Variants in MAPKBP1 observed in about 807,000 individuals in gnomAD.
MAPKBP1 encodes mitogen-activated protein kinase-binding protein 1.
A neutral mutation model predicts 170.5 loss-of-function variants in MAPKBP1; 71 were observed. The ratio of observed to expected loss-of-function variants is 0.42; its 90% CI spans 0.34 to 0.51. The LOEUF (loss-of-function observed/expected upper bound fraction) is 0.51. MAPKBP1 is among the 20% of genes least tolerant of loss of function. The probability of loss-of-function intolerance (pLI) is 0.06; values close to 1 mark genes in which losing one functional copy is unlikely to be tolerated. For missense variants in MAPKBP1, 1,598 were observed against 1,933.0 expected, an observed-to-expected ratio of 0.83 and a Z score of 3.25; for synonymous variants, 719 against 757.9, an observed-to-expected ratio of 0.95 and a Z score of 0.84.
At chr15:41,799,488 C>T (rs2064553293) in intron 2 of MAPKBP1, among the ~76,000 whole-genome samples, 1 of 152,146 alleles carries the variant, frequency 6.6e-6, no homozygotes, top group Admixed American at 6.5e-5. Flanking sequence ...GTCTGGGGAT[C>T]CCAGGCTCTA....
intron 2 of MAPKBP1, among the ~76,000 whole-genome samples, chr15:41,785,642 CGT>C (rs1828464848): frequency 6.6e-6 from 1 of 151,872 alleles, no homozygotes; most frequent in African/African-American, 2.4e-5. Context: ...GAAAATGTGA[CGT>C]GTGTTAATTA....
At chr15:41,803,089 C>T (rs2064626384) in intron 3 of MAPKBP1, among the ~76,000 whole-genome samples, 1 of 152,064 alleles carries the variant, frequency 6.6e-6, no homozygotes, top group Admixed American at 6.6e-5. Flanking sequence ...TATTATCACC[C>T]TCATATTTTA....
chr15:41,780,673 C>G (rs924515762), intron 2 of MAPKBP1, among the ~76,000 whole-genome samples: 21 of 151,742 alleles, frequency 1.4e-4, no homozygotes, highest in Non-Finnish European at 2.6e-4. Context: ...CATAGCAATT[C>G]TCAGTAGAGG....
intron 3 of MAPKBP1, among the ~76,000 whole-genome samples, chr15:41,803,304 C>T (rs907181388): frequency 6.0e-5 from 9 of 150,574 alleles, no homozygotes; most frequent in Non-Finnish European, 1.0e-4. Flanking sequence ...GTCCCAGTTA[C>T]TCGGGAGGCT....
rs183077468 is a variant in MAPKBP1 at position 41,779,279 on chromosome 15, C to T, written c.114+3890C>T. 5.2e-3 allele frequency among the ~76,000 whole-genome samples: 790 copies of T among 152,290 alleles called. 4 individuals carry two copies. The highest frequency in any genetic ancestry group is 6.9e-3 in the Non-Finnish European group (471 of 68,030). On this transcript the variant is annotated intron_variant, in intron 2 of 30. Coordinates refer to ENST00000457542, the MANE Select transcript of MAPKBP1 (RefSeq NM_014994.3). ...AGGCTGGAGTACAGTGGCGTGATCT[C>T]GGCTCACTGCAAACTCTGCCTCCCG...
rs773784078 is a variant in MAPKBP1, at chr15:41,814,589, C to A, written c.1020C>A (p.Asp340Glu). The A allele has an allele frequency of 6.2e-7, 1 of 1,614,224 alleles. No individual in the cohort carries two copies. Among genetic ancestry groups the A allele is most frequent in the African/African-American group, 1.3e-5 (1 of 75,054 alleles). The change falls in exon 10 of 31, where the codon GAC (aspartate) becomes GAA (glutamate). Residue 340 changes from aspartate (D) to glutamate (E), a missense_variant. Around this residue, in one of 6 missense-constraint regions of MAPKBP1, gnomAD observed 430 missense variants for 617.2 expected, o/e 0.70. Coordinates refer to ENST00000457542, the MANE Select transcript of MAPKBP1 (RefSeq NM_014994.3). Reference protein sequence around the residue: ...FSGVANARYPDTIALTFDPTN... With the variant: ...FSGVANARYPETIALTFDPTN... ...GAGTGGCGAATGCCAGGTATCCAGA[C>A]ACCATTGCCTTGACCTTTGATCCTA...
chr15:41,787,666 G>A (rs1478156220), intron 2 of MAPKBP1, among the ~76,000 whole-genome samples: 8 of 151,568 alleles, frequency 5.3e-5, no homozygotes, highest in Admixed American at 2.0e-4. Flanking sequence ...ACGCCCGGCC[G>A]CGAACACATT....
intron 2 of MAPKBP1, among the ~76,000 whole-genome samples, chr15:41,792,678 G>A (rs1191536122): frequency 6.6e-6 from 1 of 152,238 alleles, no homozygotes; most frequent in African/African-American, 2.4e-5. Context: ...CCCAGACACA[G>A]TTGCCTGGAC....
intron 24 of MAPKBP1, 64 bp downstream of exon 24, chr15:41,821,814 G>A (rs1378661375): frequency 3.8e-6 from 6 of 1,561,484 alleles, no homozygotes; most frequent in Non-Finnish European, 5.2e-6. Flanking sequence ...GTGTTCTTTA[G>A]TCGAGGGAGG....
chr15:41,782,300 A>G (rs944351613), intron 2 of MAPKBP1, among the ~76,000 whole-genome samples: 6 of 151,288 alleles, frequency 4.0e-5, no homozygotes, highest in African/African-American at 1.5e-4. Flanking sequence ...ACAGACATTA[A>G]GAGAGTGTAC....
At chr15:41,786,777 A>ATATATATATATAT (rs1555448144) in intron 2 of MAPKBP1, among the ~76,000 whole-genome samples, 1 of 32,448 alleles carries the variant, frequency 3.1e-5, no homozygotes, top group Non-Finnish European at 5.6e-5. Flanking sequence ...AAAAAAAAAA[A>ATATATATATATAT]ATATATATAT....
At chr15:41,776,997 T>C (rs1470297519) in intron 2 of MAPKBP1, among the ~76,000 whole-genome samples, 2 of 152,106 alleles carry the variant, frequency 1.3e-5, no homozygotes, top group Non-Finnish European at 2.9e-5. Flanking sequence ...TATGTGTACG[T>C]TGTTAATGGA....
rs962459006 is a variant in MAPKBP1 at position 41,825,654 on chromosome 15, G to T, written c.*218G>T. 9 of 504,104 alleles carry T rather than the reference G, an allele frequency of 1.8e-5. No homozygotes were observed. The highest frequency in any genetic ancestry group is 3.8e-5 in the Admixed American group (1 of 26,630). The allele number at this position is 504,104 out of a possible 1,614,324, so 31.2% of individuals were successfully genotyped here. A position where few individuals can be genotyped will look rare whatever the true frequency, so the allele number is the denominator to read the frequency against. ...CTTCCTTGGAACTCCTGCCTCCACAGCCCCTCCAGTGGCAGGGACAGGTCT... is the reference window on the plus strand; with the variant it reads ...CTTCCTTGGAACTCCTGCCTCCACATCCCCTCCAGTGGCAGGGACAGGTCT... On this transcript the variant is annotated 3_prime_UTR_variant, in exon 31 of 31. Coordinates refer to ENST00000457542, the MANE Select transcript of MAPKBP1 (RefSeq NM_014994.3).
chr15:41,797,405 G>A (rs548980537), intron 2 of MAPKBP1, among the ~76,000 whole-genome samples: 7 of 152,266 alleles, frequency 4.6e-5, no homozygotes, highest in South Asian at 2.1e-4. Flanking sequence ...GCCTGGGGCC[G>A]TTCTCTTTCC....
At chr15:41,800,062 C>G (rs2064562567) in intron 3 of MAPKBP1, 148 bp downstream of exon 3, 1 of 688,644 alleles carries the variant, frequency 1.5e-6, no homozygotes, top group African/African-American at 1.8e-5. Context: ...GACGCAGGAC[C>G]AGGTAAAGGT....
In MAPKBP1 at chr15:41,789,294, A is replaced by G. The variant is rs972281430; in HGVS notation, c.115-10529A>G. Among the ~76,000 whole-genome samples the G allele has an allele frequency of 8.5e-4, 7 of 8,264 alleles. No homozygotes were observed. In the Admixed American group the frequency reaches 0.013, roughly 16 times the overall value. The allele number at this position is 8,264 out of a possible 152,430, so 5.4% of individuals were successfully genotyped here. On this transcript the variant is annotated intron_variant, in intron 2 of 30. Transcript: ENST00000457542. Reference sequence around the variant, plus strand: ...TGTAGAGAGGACTGACTTTAGAGGAAAAAAAAAAACTACAACTCCACCCCC... The same window carrying G: ...TGTAGAGAGGACTGACTTTAGAGGAGAAAAAAAAACTACAACTCCACCCCC...
At chr15:41,813,850 TC>T in intron 9 of MAPKBP1, 69 bp downstream of exon 9, 1 of 1,490,000 alleles carries the variant, frequency 6.7e-7, no homozygotes, top group South Asian at 1.4e-5. Flanking sequence ...TGTCAGTGCC[TC>T]AGGGAGCAGG....
At chr15:41,822,548 G>A in intron 26 of MAPKBP1, 45 bp from the exon 27 acceptor site, 3 of 1,609,482 alleles carry the variant, frequency 1.9e-6, no homozygotes, top group Non-Finnish European at 2.6e-6. Flanking sequence ...TCTGGGGCAA[G>A]GGCTTGGTTT....
At position 41,820,970 on chromosome 15, in the gene MAPKBP1, C is replaced by A; in HGVS notation, c.2620C>A (p.Pro874Thr). 1 of 1,614,186 alleles carries A rather than the reference C, an allele frequency of 6.2e-7. No individual in the cohort carries two copies. The highest frequency in any genetic ancestry group is 8.5e-7 in the Non-Finnish European group (1 of 1,180,036). Reference sequence around the variant, plus strand: ...TCTGCGGCAGCTGGAAACACTGGCCCCAAGCCTGCAGGACCCTAGCCAGGA... The same window carrying A: ...TCTGCGGCAGCTGGAAACACTGGCCACAAGCCTGCAGGACCCTAGCCAGGA... Reference protein sequence around the residue: ...LDLRQLETLAPSLQDPSQDSL... With the variant: ...LDLRQLETLATSLQDPSQDSL... The change falls in exon 23 of 31, where the codon CCA (proline) becomes ACA (threonine). Residue 874 changes from proline (P) to threonine (T), a missense_variant. Physicochemically the swap from Pro to Thr is conservative, Grantham distance 38. Around this residue, in one of 6 missense-constraint regions of MAPKBP1, gnomAD observed 942 missense variants for 953.2 expected, o/e 0.99. Coordinates refer to ENST00000457542, the MANE Select transcript of MAPKBP1 (RefSeq NM_014994.3).
Sources: gnomAD v4.1 joint callset for allele counts (sites outside exome capture counted in the v4.1 genomes callset) on GRCh38, gnomAD v4.1.1 for gene constraint, gnomAD v4.1.1 regional missense constraint, MANE v1.5 for transcripts, NCBI Gene and HGNC (gene_info 2026-07-23, HGNC 2026-07-21) for gene names.